The following LNPEP variants were observed in gnomAD, a reference collection of about 807,000 sequenced individuals.
The protein encoded by LNPEP is leucyl-cystinyl aminopeptidase.
A neutral mutation model predicts 120.6 loss-of-function variants in LNPEP; 64 were observed. That is an observed-to-expected ratio of 0.53 (90% CI 0.43 to 0.65). The LOEUF is 0.65. LNPEP is among the 30% of genes least tolerant of loss of function. The pLI, the probability that LNPEP is intolerant of heterozygous loss-of-function variation, is 0.00. For missense variants in LNPEP, 1,057 were observed against 1,200.0 expected (o/e 0.88, Z 1.76); for synonymous variants, 435 against 425.4 (o/e 1.02, Z -0.28).
intron 6 of LNPEP, 98 bp downstream of exon 6, chr5:96,994,069 TAAGCATTGCCTTC>T: frequency 2.2e-6 from 2 of 927,626 alleles, no homozygotes; most frequent in Non-Finnish European, 3.2e-6. Context: ...TTTTTTTTTT[TAAGCATTGCCTTC>T]TTTTATAATA....
intron 11 of LNPEP, chr5:97,011,135 C>G: frequency 2.0e-6 from 2 of 985,324 alleles, no homozygotes; most frequent in South Asian, 4.7e-5. Context: ...TCTAGTGGAA[C>G]AATTGTCATA....
intron 1 of LNPEP, among the ~76,000 whole-genome samples, chr5:96,952,675 C>T (rs1789351926): frequency 6.6e-6 from 1 of 152,168 alleles, no homozygotes; most frequent in Non-Finnish European, 1.5e-5. Flanking sequence ...TAGAGAGAGA[C>T]AGATTTTTCT....
chr5:96,948,661 T>A (rs1172584432), intron 1 of LNPEP, among the ~76,000 whole-genome samples: 1 of 152,224 alleles, frequency 6.6e-6, no homozygotes, highest in African/African-American at 2.4e-5. Context: ...GAGCTTACAT[T>A]CTTGTGGAAT....
At chr5:96,940,291 G>A (rs1192471468) in intron 1 of LNPEP, among the ~76,000 whole-genome samples, 1 of 152,054 alleles carries the variant, frequency 6.6e-6, no homozygotes, top group South Asian at 2.1e-4. Context: ...TTATCCTTGA[G>A]AACTCAGCCT....
In LNPEP at chr5:97,033,749, G is replaced by A. The variant is rs1164322448; in HGVS notation, c.*5216G>A. On this transcript the variant is annotated 3_prime_UTR_variant, in exon 18 of 18. Coordinates refer to ENST00000231368, the MANE Select transcript of LNPEP (RefSeq NM_005575.3). ...TTCAGGGATTCTTTGGTGGGTGTTG[G>A]GGTATATACTTTTGTATATGTATGT... The A allele has an allele frequency of 6.6e-6, 1 of 151,798 alleles. No individual in the cohort carries two copies. The highest frequency in any genetic ancestry group is 6.6e-5 in the Admixed American group (1 of 15,242). The allele number at this position is 151,798 out of a possible 1,614,324, so 9.4% of individuals were successfully genotyped here.
chr5:97,014,899 GTC>G (rs776485303), intron 12 of LNPEP, 38 bp from the exon 13 acceptor site: 6 of 1,412,050 alleles, frequency 4.2e-6, no homozygotes, highest in Non-Finnish European at 3.8e-6. Flanking sequence ...TCTTCTGTGT[GTC>G]TCTGCATATT....
chr5:97,023,556 A>G (rs1791266847), intron 14 of LNPEP, among the ~76,000 whole-genome samples: 1 of 152,056 alleles, frequency 6.6e-6, no homozygotes, highest in Non-Finnish European at 1.5e-5. Context: ...ACCTGGCTAA[A>G]ATTTCTTTCT....
chr5:97,000,157 G>T (rs975374004), intron 8 of LNPEP, among the ~76,000 whole-genome samples: 1 of 152,088 alleles, frequency 6.6e-6, no homozygotes, highest in Non-Finnish European at 1.5e-5. Flanking sequence ...GTGCTAATAT[G>T]AAAATAAAGC....
At chr5:96,938,928 A>C (rs1788986698) in intron 1 of LNPEP, among the ~76,000 whole-genome samples, 1 of 151,156 alleles carries the variant, frequency 6.6e-6, no homozygotes, top group Non-Finnish European at 1.5e-5. Context: ...AATAATGATT[A>C]TGTCTTATTA....
At chr5:96,950,176 G>A (rs1789290003) in intron 1 of LNPEP, among the ~76,000 whole-genome samples, 1 of 152,162 alleles carries the variant, frequency 6.6e-6, no homozygotes, top group Admixed American at 6.5e-5. Context: ...GTGGAGGGAA[G>A]GAGTCTCTTA....
chr5:96,967,584 TCAGATCCCATAGTCACTGAAATACTA>T (rs1019160809), intron 1 of LNPEP, among the ~76,000 whole-genome samples: 3 of 152,194 alleles, frequency 2.0e-5, no homozygotes, highest in Non-Finnish European at 4.4e-5. Flanking sequence ...AGGCAGTGAC[TCAGATCCCATAGTCACTGAAATACTA>T]CTAAGTCCTC....
At chr5:97,024,054 G>A (rs1791278081) in intron 14 of LNPEP, among the ~76,000 whole-genome samples, 1 of 152,128 alleles carries the variant, frequency 6.6e-6, no homozygotes, top group African/African-American at 2.4e-5. Flanking sequence ...TGAAGAGTTG[G>A]GGTGGAGGAT....
chr5:97,003,403 T>A lies in LNPEP; in HGVS notation c.1654-12T>A. 1 of 1,464,068 alleles carries A rather than the reference T, an allele frequency of 6.8e-7. No individual in the cohort carries two copies. Among genetic ancestry groups the A allele is most frequent in the Non-Finnish European group, 9.3e-7 (1 of 1,075,316 alleles). 90.7% of individuals were successfully genotyped at this position (1,464,068 alleles called of 1,614,324 possible). A position where few individuals can be genotyped will look rare whatever the true frequency, so the allele number is the denominator to read the frequency against. Reference sequence around the variant, plus strand: ...TATTTTCTTTCTTTTTCCTCACTTTTTTTTTTAATAGGGATCTTCTCTCTT... The same window carrying A: ...TATTTTCTTTCTTTTTCCTCACTTTATTTTTTAATAGGGATCTTCTCTCTT... On this transcript the variant is annotated splice_polypyrimidine_tract_variant and intron_variant, in intron 8 of 17. Transcript: ENST00000231368.
In LNPEP at chr5:97,031,618, C is replaced by T. The variant is rs377345713; in HGVS notation, c.*3085C>T. 21 of 152,308 alleles carry T rather than the reference C, an allele frequency of 1.4e-4. No homozygotes were observed. Among genetic ancestry groups the T allele is most frequent in the Admixed American group, 5.2e-4 (8 of 15,290 alleles). 9.4% of individuals were successfully genotyped at this position (152,308 alleles called of 1,614,324 possible). On this transcript the variant is annotated 3_prime_UTR_variant, in exon 18 of 18. Coordinates refer to ENST00000231368, the MANE Select transcript of LNPEP (RefSeq NM_005575.3). ...AAATCAGTTAAGTGTTGGCTGGGCG[C>T]GGTGGCTTATGCCTGTAATCCCAGC...
chr5:96,981,576 A>G (rs919563300), intron 2 of LNPEP, among the ~76,000 whole-genome samples: 1 of 152,220 alleles, frequency 6.6e-6, no homozygotes, highest in Non-Finnish European at 1.5e-5. Context: ...TAACGAGTAC[A>G]AGGATTCCAG....
In LNPEP at chr5:97,015,049, A is replaced by C; in HGVS notation, c.2330A>C (p.Asn777Thr). Reference sequence around the variant, plus strand: ...CTGTTTCAGACAGACCTCATCTATAACCTCCTTGAAAAACTGGGATACATG... The same window carrying C: ...CTGTTTCAGACAGACCTCATCTATACCCTCCTTGAAAAACTGGGATACATG... ...EALFQTDLIYNLLEKLGYMDL... is the reference protein window; with the variant it reads ...EALFQTDLIYTLLEKLGYMDL... The change falls in exon 13 of 18, where the codon AAC (asparagine) becomes ACC (threonine). Residue 777 changes from asparagine (N) to threonine (T), a missense_variant. Physicochemically the swap from Asn to Thr is moderately conservative, Grantham distance 65. Transcript: ENST00000231368. The C allele has an allele frequency of 6.3e-7, 1 of 1,595,932 alleles. No individual in the cohort carries two copies. Among genetic ancestry groups the C allele is most frequent in the Non-Finnish European group, 8.5e-7 (1 of 1,171,946 alleles).
At chr5:97,001,184 G>A (rs1452251786) in intron 8 of LNPEP, among the ~76,000 whole-genome samples, 1 of 152,182 alleles carries the variant, frequency 6.6e-6, no homozygotes, top group African/African-American at 2.4e-5. Flanking sequence ...GTAATAGATG[G>A]GTGGCGAGAT....
rs1789890649 is a variant in LNPEP at position 96,972,500 on chromosome 5, G to A, written c.20-6638G>A. Among the ~76,000 whole-genome samples, 5 of 151,952 alleles carry A rather than the reference G, an allele frequency of 3.3e-5. No individual in the cohort carries two copies. The South Asian group carries it at 1.0e-3, about 31-fold the overall frequency. ...TCTTCTACACCTCATGTCCTAAATT[G>A]GCTAAGGACTCTCAGAAAACCTTGT... is the stretch of plus-strand genomic sequence containing the variant. On this transcript the variant is annotated intron_variant, in intron 1 of 17. Coordinates refer to ENST00000231368, the MANE Select transcript of LNPEP (RefSeq NM_005575.3).
Position 96,986,655 on chromosome 5 carries a change from C to T in LNPEP, c.1116C>T (p.Asp372=), listed in dbSNP as rs753286950. Residue 372 remains aspartate (D), a synonymous_variant, in exon 4 of 18, where the codon GAC becomes GAT. Transcript: ENST00000231368. The part of the protein sequence containing the change: ...IVGEMKNLSQ[D]VNGTLVSIYA... ...GAGAGATGAAGAACCTGAGTCAGGA[C>T]GTAAATGGAACCCTGGTATGTTGAT... 5.5e-5 allele frequency: 88 copies of T among 1,613,186 alleles called. No individual in the cohort carries two copies. The highest frequency in any genetic ancestry group is 3.3e-4 in the East Asian group (15 of 44,844).
Sources: allele counts gnomAD v4.1 joint callset (sites outside exome capture counted in the v4.1 genomes callset), GRCh38; gene constraint gnomAD v4.1.1; transcripts MANE v1.5; gene names NCBI Gene and HGNC (gene_info 2026-07-23, HGNC 2026-07-21).